Variants in NFKBIE observed in about 807,000 individuals in gnomAD.
NFKBIE encodes the protein NFKB inhibitor epsilon.
NFKBIE carries 11 observed loss-of-function variants against 31.6 expected under a neutral mutation model. The observed-to-expected ratio is 0.35, with a 90% CI of 0.22 to 0.58. The LOEUF (loss-of-function observed/expected upper bound fraction) is 0.58. NFKBIE is among the 20% of genes least tolerant of loss of function. NFKBIE has a pLI of 0.83. For missense variants in NFKBIE, 354 were observed against 465.7 expected (o/e 0.76, Z 2.21); for synonymous variants, 208 against 210.1 (o/e 0.99, Z 0.09).
Position 44,260,407 on chromosome 6 carries a change from G to A in NFKBIE, c.780+44C>T. 6.2e-7 allele frequency: 1 copy of A among 1,613,474 alleles called. No individual in the cohort carries two copies. Among genetic ancestry groups the A allele is most frequent in the Non-Finnish European group, 8.5e-7 (1 of 1,179,444 alleles). On this transcript the variant is annotated intron_variant, in intron 4 of 5. Coordinates refer to ENST00000619360, the MANE Select transcript of NFKBIE (RefSeq NM_004556.3). The surrounding 1 kb of genome is among the most constrained non-coding windows in gnomAD (Gnocchi z 5.5). Reference sequence around the variant, plus strand: ...CAGGGGACTTGGGGATGTGTCAGGTGGGGGCAGGCCCTGGGCCGGGCAGTG... The same window carrying A: ...CAGGGGACTTGGGGATGTGTCAGGTAGGGGCAGGCCCTGGGCCGGGCAGTG...
rs1389571327 is a variant in NFKBIE at position 44,259,068 on chromosome 6, C to T, written c.*151G>A. ...TCCACTTGCAGTCCCTCCTCCTCGGCTCAGGACTGTACTGGCTGGCCCCAG... is the reference window on the plus strand; with the variant it reads ...TCCACTTGCAGTCCCTCCTCCTCGGTTCAGGACTGTACTGGCTGGCCCCAG... On this transcript the variant is annotated 3_prime_UTR_variant, in exon 6 of 6. Coordinates refer to ENST00000619360, the MANE Select transcript of NFKBIE (RefSeq NM_004556.3). The T allele has an allele frequency of 2.3e-5, 17 of 733,274 alleles. No individual in the cohort carries two copies. The highest frequency in any genetic ancestry group is 3.5e-5 in the Non-Finnish European group (15 of 427,506). The allele number at this position is 733,274 out of a possible 1,614,324, so 45.4% of individuals were successfully genotyped here. A position where few individuals can be genotyped will look rare whatever the true frequency, so the allele number is the denominator to read the frequency against.
At position 44,265,248 on chromosome 6, in the gene NFKBIE, G is replaced by C; in HGVS notation, c.99C>G (p.Thr33=). The C allele has an allele frequency of 6.4e-7, 1 of 1,552,742 alleles. No homozygotes were observed. The highest frequency in any genetic ancestry group is 8.7e-7 in the Non-Finnish European group (1 of 1,147,824). Reference sequence around the variant, plus strand: ...CCGAGGGCCCGGAGGCTGGAGCCGAGGTGGACTCGGGTAGGGAGCGCAGAG... The same window carrying C: ...CCGAGGGCCCGGAGGCTGGAGCCGACGTGGACTCGGGTAGGGAGCGCAGAG... ...LRSLRSLPES[T]SAPASGPSDG... The change falls in exon 1 of 6, where the codon ACC becomes ACG. Residue 33 remains threonine (T), a synonymous_variant. Coordinates refer to ENST00000619360, the MANE Select transcript of NFKBIE (RefSeq NM_004556.3).
chr6:44,264,074 A>C (rs914935307), intron 1 of NFKBIE, among the ~76,000 whole-genome samples: 1 of 152,148 alleles, frequency 6.6e-6, no homozygotes, highest in Non-Finnish European at 1.5e-5. Context: ...TCCAAAAAGC[A>C]GGTTAGGACA....
rs1426864833 is a variant in NFKBIE at position 44,263,436 on chromosome 6, G to C, written c.366-774C>G. ...AGCCAGTGATGGAGGGTCTAGGCCG[G>C]GACAGCTGCCTTGGGGCATTAGTGA... On this transcript the variant is annotated intron_variant, in intron 1 of 5. Transcript: ENST00000619360. The surrounding 1 kb of genome is among the most constrained non-coding windows in gnomAD (Gnocchi z 5.0). Among the ~76,000 whole-genome samples, 1 of 152,038 alleles carries C rather than the reference G, an allele frequency of 6.6e-6. No homozygotes were observed. Among genetic ancestry groups the C allele is most frequent in the African/African-American group, 2.4e-5 (1 of 41,356 alleles).
At chr6:44,259,523 G>T (rs1781814646) in intron 5 of NFKBIE, among the ~76,000 whole-genome samples, 1 of 152,052 alleles carries the variant, frequency 6.6e-6, no homozygotes, top group Admixed American at 6.6e-5. Flanking sequence ...CGAGTTAGGA[G>T]GGACCCTTAG....
At chr6:44,264,671 A>G (rs553978240) in intron 1 of NFKBIE, among the ~76,000 whole-genome samples, 2 of 151,698 alleles carry the variant, frequency 1.3e-5, no homozygotes, top group African/African-American at 4.8e-5. Flanking sequence ...CCCCTTCCCC[A>G]GCAAGAAGAA....
At chr6:44,259,811 C>G (rs914165815) in intron 5 of NFKBIE, among the ~76,000 whole-genome samples, 1 of 152,132 alleles carries the variant, frequency 6.6e-6, no homozygotes, top group African/African-American at 2.4e-5. Flanking sequence ...ACACCATGGT[C>G]TCATATCTGG....
In NFKBIE at chr6:44,265,404, C is replaced by T; in HGVS notation, c.-58G>A. 1 of 1,547,662 alleles carries T rather than the reference C, an allele frequency of 6.5e-7. No homozygotes were observed. The highest frequency in any genetic ancestry group is 8.7e-7 in the Non-Finnish European group (1 of 1,154,126). On this transcript the variant is annotated 5_prime_UTR_variant, in exon 1 of 6. Transcript: ENST00000619360. ...GAGCAGGATCCGGCTCCAGGCTCCG[C>T]CGCGCCGCCTTTCCGGGTTGCGGGT...
rs1781768325 is a variant in NFKBIE at position 44,258,609 on chromosome 6, T to G, written c.*610A>C. 1 of 152,526 alleles carries G rather than the reference T, an allele frequency of 6.6e-6. No homozygotes were observed. The highest frequency in any genetic ancestry group is 2.4e-5 in the African/African-American group (1 of 41,452). The allele number at this position is 152,526 out of a possible 1,614,324, so 9.4% of individuals were successfully genotyped here. ...CCTTCTCTCTGCCTCTACCACAAAG[T>G]CACAGGGCAGGCCTGTCTAAAAAGC... On this transcript the variant is annotated 3_prime_UTR_variant, in exon 6 of 6. Transcript: ENST00000619360.
Position 44,265,305 on chromosome 6 carries a change from G to T in NFKBIE, c.42C>A (p.Ser14Arg). 6.5e-7 allele frequency: 1 copy of T among 1,547,812 alleles called. No individual in the cohort carries two copies. The highest frequency in any genetic ancestry group is 1.4e-5 in the African/African-American group (1 of 73,344). Residue 14 changes from serine (S) to arginine (R), a missense_variant, in exon 1 of 6, where the codon AGC becomes AGA. Physicochemically the swap from Ser to Arg is moderately radical, Grantham distance 110. Coordinates refer to ENST00000619360, the MANE Select transcript of NFKBIE (RefSeq NM_004556.3). The part of the protein sequence containing the change: ...ARKGPDEAEE[S>R]QYDSGIESLR... Reference sequence around the variant, plus strand: ...GAGACTCAATGCCAGAGTCGTACTGGCTCTCCTCCGCCTCGTCCGGCCCCT... The same window carrying T: ...GAGACTCAATGCCAGAGTCGTACTGTCTCTCCTCCGCCTCGTCCGGCCCCT...
chr6:44,260,882 C>CACACACACACAT lies in NFKBIE; in HGVS notation c.692-344_692-343insATGTGTGTGTGT, dbSNP rs1781890649. Among the ~76,000 whole-genome samples the CACACACACACAT allele has an allele frequency of 6.6e-6, 1 of 151,292 alleles. No individual in the cohort carries two copies. The highest frequency in any genetic ancestry group is 1.5e-5 in the Non-Finnish European group (1 of 67,776). On this transcript the variant is annotated intron_variant, in intron 3 of 5. Coordinates refer to ENST00000619360, the MANE Select transcript of NFKBIE (RefSeq NM_004556.3). This position sits in a 1 kb window ranked among gnomAD's most constrained non-coding sequence, Gnocchi z 5.5. ...ACAGACACACACACACACACACACA[C>CACACACACACAT]ACACACACAACCTGCCTTCAAGCCC...
In NFKBIE at chr6:44,261,996, C is replaced by T. The variant is rs746807193; in HGVS notation, c.469-148G>A. The T allele has an allele frequency of 5.8e-5, 43 of 743,430 alleles. No individual in the cohort carries two copies. The highest frequency in any genetic ancestry group is 7.2e-5 in the Non-Finnish European group (33 of 458,154). 46.1% of individuals were successfully genotyped at this position (743,430 alleles called of 1,614,324 possible). ...ACCTGTTCTTCCAAGGAAATACTAC[C>T]GAGCCCTTCCCCTGTCACACCCCTC... On this transcript the variant is annotated intron_variant, in intron 2 of 5. Transcript: ENST00000619360. This position sits in a 1 kb window ranked among gnomAD's most constrained non-coding sequence, Gnocchi z 4.3.
At position 44,260,166 on chromosome 6, in the gene NFKBIE, G is replaced by A. The variant is rs114959669; in HGVS notation, c.897C>T (p.Cys299=). 11 of 1,614,200 alleles carry A rather than the reference G, an allele frequency of 6.8e-6. No individual in the cohort carries two copies. In the East Asian group the frequency reaches 2.2e-4, roughly 33 times the overall value. ...AQVDARMLNG[C]TPLHLAAGRG... ...GGCCAGCTGCCAGGTGCAGGGGTGT[G>A]CACCCGTTCAGCATGCGGGCATCTA... Residue 299 remains cysteine (C), a synonymous_variant, in exon 5 of 6, where the codon TGC becomes TGT. Transcript: ENST00000619360. The surrounding 1 kb of genome is among the most constrained non-coding windows in gnomAD (Gnocchi z 5.5).
chr6:44,265,495 C>A lies in NFKBIE; in HGVS notation c.-149G>T. ...TCCCGGGCTGTGGGGCTCCGAGGGG[C>A]CGGCGCGCAGCGAGGACAAGGTTCG... On this transcript the variant is annotated 5_prime_UTR_variant, in exon 1 of 6. Transcript: ENST00000619360. 1 of 1,536,310 alleles carries A rather than the reference C, an allele frequency of 6.5e-7. No homozygotes were observed.
chr6:44,265,265 A>C lies in NFKBIE; in HGVS notation c.82T>G (p.Ser28Ala), dbSNP rs1782082320. 6.4e-7 allele frequency: 1 copy of C among 1,550,702 alleles called. No individual in the cohort carries two copies. Among genetic ancestry groups the C allele is most frequent in the Admixed American group, 2.0e-5 (1 of 51,212 alleles). ...GGAGCCGAGGTGGACTCGGGTAGGGAGCGCAGAGAGCGCAGAGACTCAATG... is the reference window on the plus strand; with the variant it reads ...GGAGCCGAGGTGGACTCGGGTAGGGCGCGCAGAGAGCGCAGAGACTCAATG... ...SGIESLRSLR[S>A]LPESTSAPAS... The change falls in exon 1 of 6, where the codon TCC becomes GCC. Residue 28 changes from serine to alanine, a missense_variant. By Grantham distance (99) the Ser-to-Ala change is moderately conservative. This residue lies in a region of NFKBIE where 171 missense variants were observed against 155.1 expected (regional missense o/e 1.10). Transcript: ENST00000619360.
Position 44,265,470 on chromosome 6 carries a change from T to G in NFKBIE, c.-124A>C. The G allele has an allele frequency of 6.6e-7, 1 of 1,519,284 alleles. No individual in the cohort carries two copies. The highest frequency in any genetic ancestry group is 8.8e-7 in the Non-Finnish European group (1 of 1,138,588). 94.1% of individuals were successfully genotyped at this position (1,519,284 alleles called of 1,614,324 possible). ...GGCGCCCGGCCCGCGGCGGCCTCCT[T>G]CCCGGGCTGTGGGGCTCCGAGGGGC... On this transcript the variant is annotated 5_prime_UTR_variant, in exon 1 of 6. Coordinates refer to ENST00000619360, the MANE Select transcript of NFKBIE (RefSeq NM_004556.3).
rs767513471 is a variant in NFKBIE at position 44,259,190 on chromosome 6, GC to G, written c.*28del. ...TCCGGCTTCCAGATGGAGAGGTGGA[GC>G]CCTGAGGATCCCAGACCCTGCCTGG... On this transcript the variant is annotated 3_prime_UTR_variant, in exon 6 of 6. Coordinates refer to ENST00000619360, the MANE Select transcript of NFKBIE (RefSeq NM_004556.3). 6.2e-7 allele frequency: 1 copy of G among 1,611,780 alleles called. No individual in the cohort carries two copies. Among genetic ancestry groups the G allele is most frequent in the South Asian group, 1.1e-5 (1 of 91,014 alleles).
chr6:44,262,631 G>A lies in NFKBIE; in HGVS notation c.397C>T (p.Pro133Ser). The A allele has an allele frequency of 6.2e-7, 1 of 1,614,168 alleles. No homozygotes were observed. The highest frequency in any genetic ancestry group is 1.3e-5 in the African/African-American group (1 of 75,072). The change falls in exon 2 of 6, where the codon CCA becomes TCA. Residue 133 changes from proline to serine, a missense_variant. Pro to Ser is a moderately conservative substitution (Grantham distance 74). Transcript: ENST00000619360. Reference sequence around the variant, plus strand: ...GCCAGGCAACAGAGCAGCACCGCTGGGGCCTCATGAATCACTGCCAGGTGG... The same window carrying A: ...GCCAGGCAACAGAGCAGCACCGCTGAGGCCTCATGAATCACTGCCAGGTGG... ...LVHLAVIHEA[P>S]AVLLCCLALL...
rs1306465949 is a variant in NFKBIE at position 44,262,789 on chromosome 6, A to T, written c.366-127T>A. On this transcript the variant is annotated intron_variant, in intron 1 of 5. Transcript: ENST00000619360. ...CCATAGGGTAGGTCCAGGAAGTGAG[A>T]GTGTGGGCCAGGAAGTGAGGGTTGG... 7.5e-6 allele frequency: 5 copies of T among 665,422 alleles called. No individual in the cohort carries two copies. In the East Asian group the frequency reaches 1.4e-4, roughly 19 times the overall value. The allele number at this position is 665,422 out of a possible 1,614,324, so 41.2% of individuals were successfully genotyped here.
Sources: allele counts gnomAD v4.1 joint callset (sites outside exome capture counted in the v4.1 genomes callset), GRCh38; gene constraint gnomAD v4.1.1; regional missense constraint gnomAD v4.1.1; non-coding constraint Gnocchi (gnomAD v3.1); transcripts MANE v1.5; gene names NCBI Gene and HGNC (gene_info 2026-07-23, HGNC 2026-07-21).